CCNH: variants seen among roughly 807,000 people sequenced by gnomAD.
CCNH encodes the protein cyclin H, also known as cyclin-H.
In CCNH, 31 loss-of-function variants were observed where a neutral mutation model predicts 41.9. The observed-to-expected ratio is 0.74, with a 90% CI of 0.56 to 1.00. CCNH has a LOEUF of 1.00. Among genes scored for constraint, CCNH ranks in the 50% least tolerant of loss-of-function variants. The pLI, the probability that CCNH is intolerant of heterozygous loss-of-function variation, is 0.00. For synonymous variants in CCNH, 138 were observed against 136.1 expected (o/e 1.01, Z -0.10); for missense variants, 362 against 388.4 (o/e 0.93, Z 0.57).
intron 9 of CCNH, chr5:87,349,081 T>TAA: frequency 4.2e-5 from 43 of 1,029,516 alleles, no homozygotes; most frequent in Non-Finnish European, 5.5e-5. Context: ...GAAATTATCT[T>TAA]AAAAAAAAAA....
At chr5:87,329,740 T>G (rs1275875894) in intron 9 of CCNH, among the ~76,000 whole-genome samples, 3 of 152,192 alleles carry the variant, frequency 2.0e-5, no homozygotes, top group African/African-American at 7.2e-5. Flanking sequence ...CTGGGATAGT[T>G]CTACTGCTTT....
intron 1 of CCNH, chr5:87,412,359 G>A: frequency 9.3e-7 from 1 of 1,070,472 alleles, no homozygotes; most frequent in South Asian, 2.9e-5. Context: ...ATTGGCTACT[G>A]GGAAAAACCT....
At chr5:87,397,023 G>T (rs1763019294) in intron 7 of CCNH, among the ~76,000 whole-genome samples, 1 of 152,158 alleles carries the variant, frequency 6.6e-6, no homozygotes, top group Non-Finnish European at 1.5e-5. Context: ...AAAACTAAAG[G>T]TAAAATAATT....
chr5:87,327,286 A>G (rs1272067795), intron 9 of CCNH, among the ~76,000 whole-genome samples: 1 of 152,250 alleles, frequency 6.6e-6, no homozygotes, highest in African/African-American at 2.4e-5. Context: ...GCTGGGATTC[A>G]AAGACAGTGA....
rs558161286 is a variant in CCNH at position 87,364,035 on chromosome 5, C to T, written c.*90+28735G>A. On this transcript the variant is annotated intron_variant and NMD_transcript_variant, in intron 9 of 9. Coordinates refer to the CCNH transcript ENST00000645953. ...TAAACATCAGAAGACAAATCCAGCT[C>T]TTGATTACATCTAGATTTTTTTCTC... Among the ~76,000 whole-genome samples, 5 of 152,208 alleles carry T rather than the reference C, an allele frequency of 3.3e-5. No individual in the cohort carries two copies. The East Asian group carries it at 7.7e-4, about 23-fold the overall frequency.
At chr5:87,375,626 G>A (rs1761272473), downstream of CCNH, among the ~76,000 whole-genome samples, 1 of 152,118 alleles carries the variant, frequency 6.6e-6, no homozygotes, top group Non-Finnish European at 1.5e-5. Flanking sequence ...CCTTAAACTT[G>A]AATATGTCAC....
chr5:87,349,113 CAT>C lies in CCNH; in HGVS notation c.*91-30218_*91-30217del, dbSNP rs1491028149. The C allele has an allele frequency of 1.0e-5, 14 of 1,355,620 alleles. No homozygotes were observed. In the Admixed American group the frequency reaches 1.1e-4, roughly 10 times the overall value. 84.0% of individuals were successfully genotyped at this position (1,355,620 alleles called of 1,614,324 possible). Reference sequence around the variant, plus strand: ...AAAACAAGTTCCTGGTGAAAATTTACATATGTTTATGACTTTGAATGCACTTT... The same window carrying C: ...AAAACAAGTTCCTGGTGAAAATTTACATGTTTATGACTTTGAATGCACTTT... On this transcript the variant is annotated intron_variant and NMD_transcript_variant, in intron 9 of 9. Transcript: ENST00000645953.
In CCNH at chr5:87,331,488, T is replaced by C. The variant is rs745790570; in HGVS notation, c.*91-12591A>G. ...TCATTTCTTAGCCAGATGAATGTTG[T>C]CAACCATTTTAGGTAAGTCTTTATT... On this transcript the variant is annotated intron_variant and NMD_transcript_variant, in intron 9 of 9. Transcript: ENST00000645953. The C allele has an allele frequency of 3.1e-6, 5 of 1,613,834 alleles. No individual in the cohort carries two copies. The highest frequency in any genetic ancestry group is 3.4e-6 in the Non-Finnish European group (4 of 1,179,798).
Position 87,394,285 on chromosome 5 carries a change from TG to T in CCNH, c.*160del. The T allele has an allele frequency of 5.3e-6, 7 of 1,331,540 alleles. No homozygotes were observed. The highest frequency in any genetic ancestry group is 6.8e-6 in the Non-Finnish European group (7 of 1,036,676). 82.5% of individuals were successfully genotyped at this position (1,331,540 alleles called of 1,614,324 possible). A position where few individuals can be genotyped will look rare whatever the true frequency, so the allele number is the denominator to read the frequency against. On this transcript the variant is annotated 3_prime_UTR_variant, in exon 9 of 9. Coordinates refer to ENST00000256897, the MANE Select transcript of CCNH (RefSeq NM_001239.4). ...GGTGCTATTCTAGCTCTTTTGAAGA[TG>T]GTTTATTTTACATAAAGTTACTGTG...
At chr5:87,336,544 C>A (rs981759223) in intron 9 of CCNH, among the ~76,000 whole-genome samples, 1 of 151,926 alleles carries the variant, frequency 6.6e-6, no homozygotes, top group Non-Finnish European at 1.5e-5. Context: ...GGGGGGATAA[C>A]ACAAAATAAT....
downstream of CCNH, chr5:87,376,224 G>C: frequency 1.3e-6 from 1 of 748,352 alleles, no homozygotes; most frequent in East Asian, 2.7e-5. Flanking sequence ...GTGCACCGTA[G>C]ACACTCAGTA....
chr5:87,398,489 C>A (rs1763136045), intron 7 of CCNH, among the ~76,000 whole-genome samples: 1 of 152,138 alleles, frequency 6.6e-6, no homozygotes, highest in Non-Finnish European at 1.5e-5. Context: ...ATGGCAGTTT[C>A]ATTAATCCTA....
chr5:87,367,434 A>G (rs917683901), intron 9 of CCNH, among the ~76,000 whole-genome samples: 2 of 152,210 alleles, frequency 1.3e-5, no homozygotes, highest in African/African-American at 4.8e-5. Context: ...GTTAACAGCC[A>G]CCTTGTGCAG....
exon 1 of CCNH, chr5:87,376,853 T>C: frequency 6.4e-7 from 1 of 1,564,298 alleles, no homozygotes; most frequent in South Asian, 1.1e-5. Flanking sequence ...CTACGTACTT[T>C]AAACAATCTT....
intron 9 of CCNH, chr5:87,341,394 C>CA (rs1281181204): frequency 1.6e-5 from 18 of 1,099,372 alleles, no homozygotes; most frequent in Admixed American, 4.0e-5. Context: ...AAACTTTGGC[C>CA]AAAAAAATTG....
chr5:87,373,786 C>T (rs758567791), downstream of CCNH, among the ~76,000 whole-genome samples: 11 of 152,024 alleles, frequency 7.2e-5, no homozygotes, highest in South Asian at 2.1e-4. Flanking sequence ...ATATAACATA[C>T]GGGATTTTAA....
chr5:87,350,556 C>G (rs2112424881), intron 9 of CCNH, among the ~76,000 whole-genome samples: 1 of 151,638 alleles, frequency 6.6e-6, no homozygotes, highest in Non-Finnish European at 1.5e-5. Flanking sequence ...TATGATACAT[C>G]ACACAAAACT....
intron 9 of CCNH, chr5:87,333,392 A>G: frequency 6.2e-7 from 1 of 1,602,468 alleles, no homozygotes; most frequent in Non-Finnish European, 8.5e-7. Flanking sequence ...GACTTCGAAG[A>G]TTTATTACTC....
At chr5:87,389,547 CATT>C, downstream of CCNH, 2 of 1,612,700 alleles carry the variant, frequency 1.2e-6, no homozygotes, top group Non-Finnish European at 1.7e-6. Context: ...CGCCAGCCTT[CATT>C]AACAATGATG....
Sources: gnomAD v4.1 joint callset for allele counts (sites outside exome capture counted in the v4.1 genomes callset) on GRCh38, gnomAD v4.1.1 for gene constraint, MANE v1.5 for transcripts, NCBI Gene and HGNC (gene_info 2026-07-23, HGNC 2026-07-21) for gene names.